CSF2RA: variants seen among roughly 807,000 people sequenced by gnomAD.
CSF2RA encodes colony stimulating factor 2 receptor subunit alpha.
In CSF2RA, 42 loss-of-function variants were observed where a neutral mutation model predicts 51.6. The observed-to-expected ratio is 0.81, with a 90% CI of 0.64 to 1.05. The LOEUF (loss-of-function observed/expected upper bound fraction) is 1.05, where lower values mean the gene tolerates loss of function less well. Ranked by LOEUF, CSF2RA falls within the 50% of genes least tolerant of loss-of-function variation. The probability of loss-of-function intolerance (pLI) is 0.00; values close to 1 mark genes in which losing one functional copy is unlikely to be tolerated. For synonymous variants in CSF2RA, 222 were observed against 193.0 expected (o/e 1.15, Z -1.24); for missense variants, 530 against 501.1 (o/e 1.06, Z -0.55).
rs761014426 is a variant in CSF2RA at position 1,281,183 on chromosome X, T to TC, written c.-26-1494dup. ...TCCTCCTACTCCTCCTTCTCCTCCT[T>TC]CTCCTTCTCCTCCTTCTCCTACTCC... On this transcript the variant is annotated intron_variant, in intron 2 of 12. Coordinates refer to ENST00000381529, the MANE Select transcript of CSF2RA (RefSeq NM_172245.4). Among the ~76,000 whole-genome samples the TC allele has an allele frequency of 4.7e-4, 39 of 83,152 alleles. No homozygotes were observed. In the East Asian group the frequency reaches 0.015, roughly 33 times the overall value. 54.6% of individuals were successfully genotyped at this position (83,152 alleles called of 152,430 possible). A position where few individuals can be genotyped will look rare whatever the true frequency, so the allele number is the denominator to read the frequency against.
intron 12 of CSF2RA, among the ~76,000 whole-genome samples, chrX:1,307,618 A>T (rs1442548670): frequency 7.1e-6 from 1 of 141,048 alleles, no homozygotes; most frequent in African/African-American, 2.8e-5. Flanking sequence ...TGATTAGATG[A>T]GGCCCACCCT....
At chrX:1,279,893 G>T (rs766762646) in intron 2 of CSF2RA, among the ~76,000 whole-genome samples, 5 of 151,932 alleles carry the variant, frequency 3.3e-5, no homozygotes, top group African/African-American at 1.2e-4. Context: ...GGGTTCAAGC[G>T]ATTCTCCTGC....
chrX:1,311,777 G>C (rs1242588145), downstream of CSF2RA, among the ~76,000 whole-genome samples: 6 of 151,936 alleles, frequency 3.9e-5, no homozygotes, highest in Non-Finnish European at 7.4e-5. Context: ...ACCCAGCCTG[G>C]GGAATCCCTT....
At chrX:1,269,816 A>C (rs2088128694) in intron 1 of CSF2RA, among the ~76,000 whole-genome samples, 1 of 149,840 alleles carries the variant, frequency 6.7e-6, no homozygotes, top group Non-Finnish European at 1.5e-5. Context: ...TTATTAAGAT[A>C]GTAAAGGGGG....
chrX:1,323,887 G>A, the CSF2RA span, among the ~76,000 whole-genome samples: 17 of 151,828 alleles, frequency 1.1e-4, no homozygotes, highest in Non-Finnish European at 2.2e-4. Flanking sequence ...GGTGGTGGGC[G>A]CCTGTAGTCC....
chrX:1,275,240 A>T (rs1236018855), intron 2 of CSF2RA, among the ~76,000 whole-genome samples: 1 of 151,796 alleles, frequency 6.6e-6, no homozygotes. Flanking sequence ...AAAATACAAA[A>T]ATTAGCCGGG....
At chrX:1,287,406 C>T (rs1351857311) in intron 4 of CSF2RA, among the ~76,000 whole-genome samples, 2 of 150,066 alleles carry the variant, frequency 1.3e-5, no homozygotes, top group East Asian at 2.0e-4. Context: ...CCCTCCTTGG[C>T]CTCCCAAAGT....
At chrX:1,274,865 T>A (rs773798625) in intron 2 of CSF2RA, 47 bp downstream of exon 2, 4 of 453,292 alleles carry the variant, frequency 8.8e-6, no homozygotes, top group South Asian at 6.2e-5. Context: ...GGGATTTTCT[T>A]TTTTTTAAGT....
At chrX:1,288,972 C>CT in intron 6 of CSF2RA, 84 bp downstream of exon 6, 1 of 1,582,702 alleles carries the variant, frequency 6.3e-7, no homozygotes, top group Non-Finnish European at 8.7e-7. Context: ...TTTCCTTTTT[C>CT]TTTTTTTAAG....
In CSF2RA at chrX:1,309,604, G is replaced by T. The variant is rs778083565; in HGVS notation, c.*125G>T. 6.2e-7 allele frequency: 1 copy of T among 1,613,358 alleles called. No homozygotes were observed. Among genetic ancestry groups the T allele is most frequent in the South Asian group, 1.1e-5 (1 of 91,072 alleles). ...TTTTTATTTAAAAACATGACATTTGGGGCCAGGCGCGGTGGCTCACGCCTG... is the reference window on the plus strand; with the variant it reads ...TTTTTATTTAAAAACATGACATTTGTGGCCAGGCGCGGTGGCTCACGCCTG... On this transcript the variant is annotated 3_prime_UTR_variant, in exon 13 of 13. Transcript: ENST00000381529.
In CSF2RA at chrX:1,309,891, A is replaced by C; in HGVS notation, c.*412A>C. The C allele has an allele frequency of 1.7e-6, 1 of 580,074 alleles. No homozygotes were observed. The highest frequency in any genetic ancestry group is 2.3e-5 in the South Asian group (1 of 43,262). The allele number at this position is 580,074 out of a possible 1,614,324, so 35.9% of individuals were successfully genotyped here. ...TGACAGAGCAAGATTGCATCTCAAA[A>C]CAAACAATAATAATAAATAATAAAA... On this transcript the variant is annotated 3_prime_UTR_variant, in exon 13 of 13. Coordinates refer to ENST00000381529, the MANE Select transcript of CSF2RA (RefSeq NM_172245.4).
chrX:1,288,957 C>G (rs2091077320), intron 6 of CSF2RA, 69 bp downstream of exon 6: 2 of 1,594,738 alleles, frequency 1.3e-6, no homozygotes, highest in Non-Finnish European at 1.7e-6. Flanking sequence ...TGCTGGTTTT[C>G]TTTTTTTCCT....
chrX:1,316,422 A>C, the CSF2RA span, among the ~76,000 whole-genome samples: 293 of 152,262 alleles, frequency 1.9e-3, 1 homozygote, highest in African/African-American at 6.8e-3. Flanking sequence ...ACATTGTTAG[A>C]CGGTGAACCA....
intron 6 of CSF2RA, among the ~76,000 whole-genome samples, chrX:1,289,572 TGTG>T (rs1457534034): frequency 5.3e-5 from 8 of 152,240 alleles, no homozygotes; most frequent in East Asian, 1.9e-4. Context: ...TTCACGTTTT[TGTG>T]GTGTTTTGTG....
chrX:1,285,930 A>G lies in CSF2RA; in HGVS notation c.219+10A>G. The stretch of plus-strand genomic sequence containing the variant: ...AGTCGTGGAACCCAGGGTGAGACGA[A>G]TTTCCCATTCTCAACCCCTGTCCTT... On this transcript the variant is annotated intron_variant, in intron 4 of 12. Transcript: ENST00000381529. 1.2e-6 allele frequency: 2 copies of G among 1,613,756 alleles called. No individual in the cohort carries two copies. The highest frequency in any genetic ancestry group is 2.2e-5 in the East Asian group (1 of 44,834).
the CSF2RA span, among the ~76,000 whole-genome samples, chrX:1,317,309 T>C: frequency 1.7e-5 from 2 of 115,714 alleles, no homozygotes; most frequent in African/African-American, 3.4e-5. Context: ...TGGAGTGCAG[T>C]GGTACAATCT....
intron 1 of CSF2RA, among the ~76,000 whole-genome samples, chrX:1,273,532 A>G (rs1390109301): frequency 6.9e-6 from 1 of 145,146 alleles, no homozygotes; most frequent in African/African-American, 2.6e-5. Flanking sequence ...TTTCACTGTG[A>G]TGGCCAGGCT....
At position 1,288,475 on chromosome X, in the gene CSF2RA, G is replaced by T. The variant is rs2091022317; in HGVS notation, c.220-44G>T. ...CCAGCCTGGGAGACTGTAGGAGACAGAAGGTTGTTTCCTAATCGGCTCTGT... is the reference window on the plus strand; with the variant it reads ...CCAGCCTGGGAGACTGTAGGAGACATAAGGTTGTTTCCTAATCGGCTCTGT... On this transcript the variant is annotated intron_variant, in intron 4 of 12. Coordinates refer to ENST00000381529, the MANE Select transcript of CSF2RA (RefSeq NM_172245.4). 3 of 1,613,492 alleles carry T rather than the reference G, an allele frequency of 1.9e-6. No homozygotes were observed. The Admixed American group carries it at 5.0e-5, about 27-fold the overall frequency.
chrX:1,288,845 G>GC lies in CSF2RA; in HGVS notation c.436dup (p.Arg146ProfsTer2), dbSNP rs1384224781. On this transcript the variant is annotated frameshift_variant, in exon 6 of 13. Transcript: ENST00000381529. LOFTEE classifies it high-confidence loss of function. ...CTGTACCTGGGCGAGGGGTCCGACG[G>GC]CCCCCCGTGACGTCCAGTATTTTTT... 1 of 1,613,908 alleles carries GC rather than the reference G, an allele frequency of 6.2e-7. No homozygotes were observed. The highest frequency in any genetic ancestry group is 1.1e-5 in the South Asian group (1 of 91,070).
Sources: allele counts gnomAD v4.1 joint callset (sites outside exome capture counted in the v4.1 genomes callset), GRCh38; gene constraint gnomAD v4.1.1; transcripts MANE v1.5; gene names NCBI Gene and HGNC (gene_info 2026-07-23, HGNC 2026-07-21).